Variants in MCC observed in about 807,000 individuals in gnomAD.
MCC encodes the protein colorectal mutant cancer protein.
In MCC, 90 loss-of-function variants were observed where a neutral mutation model predicts 116.2. The observed-to-expected ratio is 0.77, with a 90% CI of 0.65 to 0.92. The LOEUF (loss-of-function observed/expected upper bound fraction) is 0.92. MCC is among the 40% of genes least tolerant of loss of function. MCC has a pLI of 0.00. For synonymous variants in MCC, 578 were observed against 510.5 expected (o/e 1.13, Z -1.78); for missense variants, 1,516 against 1,312.2 (o/e 1.16, Z -2.40).
intron 3 of MCC, among the ~76,000 whole-genome samples, chr5:113,282,389 A>G (rs1407986703): frequency 6.6e-6 from 1 of 152,198 alleles, no homozygotes; most frequent in Non-Finnish European, 1.5e-5. Flanking sequence ...TTCAGCAGTA[A>G]TTACATGTGT....
intron 17 of MCC, among the ~76,000 whole-genome samples, chr5:113,034,434 TA>T (rs1443109732): frequency 6.6e-6 from 1 of 152,094 alleles, no homozygotes; most frequent in Non-Finnish European, 1.5e-5. Context: ...CTCCCTAAAA[TA>T]AAAAGGCCAG....
At chr5:113,102,292 C>G (rs975134569) in intron 7 of MCC, among the ~76,000 whole-genome samples, 1 of 152,204 alleles carries the variant, frequency 6.6e-6, no homozygotes, top group African/African-American at 2.4e-5. Flanking sequence ...ATACACACAA[C>G]CAGGCAGAAG....
chr5:113,438,920 A>G (rs919708874), intron 1 of MCC, among the ~76,000 whole-genome samples: 1 of 152,170 alleles, frequency 6.6e-6, no homozygotes, highest in Non-Finnish European at 1.5e-5. Context: ...AGAGAAAAAA[A>G]ATCAGAGGGC....
Position 113,461,744 on chromosome 5 carries a change from T to TAAA in MCC, c.170+26498_170+26500dup, listed in dbSNP as rs56312844. Among the ~76,000 whole-genome samples the TAAA allele has an allele frequency of 4.7e-3, 559 of 118,804 alleles. 6 individuals carry two copies. The highest frequency in any genetic ancestry group is 0.016 in the African/African-American group (524 of 31,786). 77.9% of individuals were successfully genotyped at this position (118,804 alleles called of 152,430 possible). ...TTTAAGGATGAACAACTTGCACCAG[T>TAAA]AAAAAAAAAAAAAAAAAAAAAAAAT... On this transcript the variant is annotated intron_variant, in intron 1 of 18. Transcript: ENST00000408903.
chr5:113,353,554 G>A (rs570271873), intron 2 of MCC, among the ~76,000 whole-genome samples: 28 of 152,078 alleles, frequency 1.8e-4, no homozygotes, highest in Non-Finnish European at 4.0e-4. Context: ...CTACTAATAA[G>A]CAAACATAAG....
intron 1 of MCC, among the ~76,000 whole-genome samples, chr5:113,414,075 T>C (rs937239794): frequency 6.6e-6 from 1 of 152,220 alleles, no homozygotes; most frequent in African/African-American, 2.4e-5. Context: ...CATGTAGTTG[T>C]GCGGTTTTGA....
intron 3 of MCC, among the ~76,000 whole-genome samples, chr5:113,288,290 G>A (rs1396428490): frequency 2.0e-5 from 3 of 152,206 alleles, no homozygotes; most frequent in Non-Finnish European, 4.4e-5. Context: ...TGCCTGCAGG[G>A]CTGGGAAAGC....
chr5:113,360,984 G>C (rs1768531604), intron 2 of MCC, among the ~76,000 whole-genome samples: 1 of 152,170 alleles, frequency 6.6e-6, no homozygotes, highest in South Asian at 2.1e-4. Flanking sequence ...AACAAGCCTA[G>C]ATACTGCCAG....
chr5:113,384,847 G>A, intron 2 of MCC, 121 bp downstream of exon 2: 1 of 1,150,372 alleles, frequency 8.7e-7, no homozygotes, highest in Non-Finnish European at 1.2e-6. Context: ...GTGTGGCCAG[G>A]AGGGCAGCCT....
At chr5:113,428,288 C>A (rs912695786) in intron 1 of MCC, among the ~76,000 whole-genome samples, 6 of 152,108 alleles carry the variant, frequency 3.9e-5, no homozygotes, top group African/African-American at 1.4e-4. Flanking sequence ...TATCTACAGA[C>A]CCCTGCCCTC....
chr5:113,080,174 G>T (rs1298247121), intron 11 of MCC, among the ~76,000 whole-genome samples: 1 of 152,214 alleles, frequency 6.6e-6, no homozygotes, highest in African/African-American at 2.4e-5. Flanking sequence ...AAAGGATGTG[G>T]AGAAACAGGA....
intron 3 of MCC, among the ~76,000 whole-genome samples, chr5:113,309,261 G>T (rs1051747470): frequency 6.6e-6 from 1 of 152,152 alleles, no homozygotes; most frequent in South Asian, 2.1e-4. Flanking sequence ...TGTATAATGT[G>T]GAGTCTGGAC....
chr5:113,419,429 T>TC (rs1770253919), intron 1 of MCC, among the ~76,000 whole-genome samples: 1 of 151,922 alleles, frequency 6.6e-6, no homozygotes. Context: ...ACTCCTGGAC[T>TC]CAAGCAATCC....
chr5:113,032,911 A>G (rs1751058226), intron 17 of MCC, among the ~76,000 whole-genome samples: 1 of 152,240 alleles, frequency 6.6e-6, no homozygotes. Flanking sequence ...AACATCAGGA[A>G]GTTACCCTAT....
At chr5:113,079,047 C>A (rs2150240157) in intron 11 of MCC, among the ~76,000 whole-genome samples, 2 of 152,320 alleles carry the variant, frequency 1.3e-5, no homozygotes, top group South Asian at 4.1e-4. Context: ...CATGAGTGGA[C>A]TCCCATTCAC....
At chr5:113,319,759 C>G (rs976684140) in intron 3 of MCC, among the ~76,000 whole-genome samples, 1 of 152,150 alleles carries the variant, frequency 6.6e-6, no homozygotes. Context: ...GCTCTAGGAA[C>G]TACTGGATAT....
intron 3 of MCC, among the ~76,000 whole-genome samples, chr5:113,278,302 T>G (rs1490490999): frequency 2.0e-5 from 3 of 152,220 alleles, no homozygotes; most frequent in African/African-American, 7.2e-5. Flanking sequence ...CATGGCATAC[T>G]TTAAATGAAG....
chr5:113,104,211 T>G lies in MCC; in HGVS notation c.1172A>C (p.His391Pro). ...HIEQLTTASE[H>P]CDLAIKTVEE... is the part of the protein sequence containing the mutation. ...GTCTACCTTAATAGCCAGGTCACAG[T>G]GCTCGCTGGCTGTGGTGAGCTGCTC... Residue 391 changes from histidine to proline, a missense_variant, in exon 7 of 19, where the codon CAC (histidine) becomes CCC (proline). Transcript: ENST00000408903. 1 of 1,613,250 alleles carries G rather than the reference T, an allele frequency of 6.2e-7. No homozygotes were observed. Among genetic ancestry groups the G allele is most frequent in the East Asian group, 2.2e-5 (1 of 44,874 alleles).
At chr5:113,227,603 A>G (rs974738423) in intron 3 of MCC, among the ~76,000 whole-genome samples, 1 of 152,234 alleles carries the variant, frequency 6.6e-6, no homozygotes, top group African/African-American at 2.4e-5. Flanking sequence ...TCCATTTTAA[A>G]AAATCTTTAA....
Sources: allele counts gnomAD v4.1 joint callset (sites outside exome capture counted in the v4.1 genomes callset), GRCh38; gene constraint gnomAD v4.1.1; transcripts MANE v1.5; gene names NCBI Gene and HGNC (gene_info 2026-07-23, HGNC 2026-07-21).